Variants in MDFIC2 observed in about 807,000 individuals in gnomAD.
MDFIC2 encodes MyoD family inhibitor domain containing 2.
At chr3:70,261,683 C>T (rs1398497391) in intron 2 of MDFIC2, among the ~76,000 whole-genome samples, 1 of 152,134 alleles carries the variant, frequency 6.6e-6, no homozygotes, top group Non-Finnish European at 1.5e-5. Context: ...TTGTTGAAAA[C>T]AGAATGCCAA....
intron 2 of MDFIC2, among the ~76,000 whole-genome samples, chr3:70,263,215 GCTT>G (rs1417526808): frequency 1.3e-5 from 2 of 152,028 alleles, no homozygotes; most frequent in East Asian, 3.9e-4. Flanking sequence ...ATATTTTCCT[GCTT>G]CTTCTTTCTT....
intron 2 of MDFIC2, among the ~76,000 whole-genome samples, chr3:70,264,254 G>A (rs1207071517): frequency 6.6e-6 from 1 of 152,128 alleles, no homozygotes; most frequent in Non-Finnish European, 1.5e-5. Context: ...CCTTAAAAAG[G>A]CCTTCGTGTT....
chr3:70,211,527 TC>T, intron 2 of MDFIC2, among the ~76,000 whole-genome samples: 2 of 28,106 alleles, frequency 7.1e-5, no homozygotes, highest in African/African-American at 1.9e-4. Context: ...TCCCTTCCCT[TC>T]CCTTTGCCCT....
chr3:70,198,641 T>C (rs1389058332), intron 3 of MDFIC2, among the ~76,000 whole-genome samples: 2 of 152,194 alleles, frequency 1.3e-5, no homozygotes, highest in African/African-American at 4.8e-5. Flanking sequence ...CCCAGAAAGA[T>C]GGTGGTAAAG....
At chr3:70,299,815 C>G (rs1478587746) in intron 2 of MDFIC2, among the ~76,000 whole-genome samples, 2 of 152,062 alleles carry the variant, frequency 1.3e-5, no homozygotes, top group South Asian at 2.1e-4. Flanking sequence ...TGAAGCCAAC[C>G]TCACATATAT....
chr3:70,291,809 T>G (rs1205748734), intron 2 of MDFIC2: 5 of 152,234 alleles, frequency 3.3e-5, no homozygotes, highest in African/African-American at 1.2e-4. Context: ...ATACATTGTC[T>G]TTTTAATGCT....
At chr3:70,309,796 G>A (rs909100666) in intron 2 of MDFIC2, among the ~76,000 whole-genome samples, 6 of 152,124 alleles carry the variant, frequency 3.9e-5, no homozygotes, top group African/African-American at 1.2e-4. Flanking sequence ...AACATAATTC[G>A]AGTGTAGCTT....
At chr3:70,286,458 G>A (rs1415984686) in intron 2 of MDFIC2, among the ~76,000 whole-genome samples, 3 of 151,786 alleles carry the variant, frequency 2.0e-5, no homozygotes, top group Non-Finnish European at 1.5e-5. Flanking sequence ...TTTGGTTACT[G>A]TAGCCTTGTA....
chr3:70,245,683 A>ATATT (rs2106645652), intron 2 of MDFIC2, among the ~76,000 whole-genome samples: 1 of 128,446 alleles, frequency 7.8e-6, no homozygotes, highest in East Asian at 2.3e-4. Flanking sequence ...ATATATATAT[A>ATATT]TATATATATA....
chr3:70,229,777 G>C (rs1433092340), intron 2 of MDFIC2, among the ~76,000 whole-genome samples: 1 of 152,152 alleles, frequency 6.6e-6, no homozygotes, highest in African/African-American at 2.4e-5. Flanking sequence ...TCTGCATTGA[G>C]ATTTTGGTGG....
chr3:70,233,198 C>T (rs1192649424), intron 2 of MDFIC2, among the ~76,000 whole-genome samples: 4 of 152,082 alleles, frequency 2.6e-5, no homozygotes, highest in African/African-American at 2.4e-5. Context: ...GTACTAAAAG[C>T]GAGCTCTCCC....
At chr3:70,286,695 G>C (rs1046832343) in intron 2 of MDFIC2, among the ~76,000 whole-genome samples, 2 of 152,072 alleles carry the variant, frequency 1.3e-5, no homozygotes, top group Admixed American at 1.3e-4. Context: ...CCATGAGCAT[G>C]GAATGTTCTT....
At chr3:70,237,979 C>CTTTATTTTTT (rs1701627930) in intron 2 of MDFIC2, among the ~76,000 whole-genome samples, 1 of 48,932 alleles carries the variant, frequency 2.0e-5, no homozygotes, top group Non-Finnish European at 3.2e-5. Flanking sequence ...TGAGTGGTAT[C>CTTTATTTTTT]TTTTTTTTTT....
chr3:70,231,085 C>T (rs1005582513), intron 2 of MDFIC2, among the ~76,000 whole-genome samples: 1 of 152,180 alleles, frequency 6.6e-6, no homozygotes, highest in Non-Finnish European at 1.5e-5. Flanking sequence ...GACATAACAG[C>T]TCTATTGTTA....
intron 2 of MDFIC2, among the ~76,000 whole-genome samples, chr3:70,229,013 G>A (rs76028503): frequency 0.033 from 5,051 of 152,172 alleles, 108 homozygotes; most frequent in South Asian, 0.11. Context: ...GAGGCTAATG[G>A]GATACCAATG....
At chr3:70,282,928 T>G (rs186540497) in intron 2 of MDFIC2, among the ~76,000 whole-genome samples, 1 of 152,110 alleles carries the variant, frequency 6.6e-6, no homozygotes. Flanking sequence ...AAAGGGGTAA[T>G]AAAAGATGAC....
chr3:70,286,895 G>C (rs1702170849), intron 2 of MDFIC2, among the ~76,000 whole-genome samples: 1 of 151,832 alleles, frequency 6.6e-6, no homozygotes. Flanking sequence ...TGTGATTTTT[G>C]TACATTGATT....
intron 2 of MDFIC2, among the ~76,000 whole-genome samples, chr3:70,309,753 A>C (rs1461796166): frequency 9.9e-5 from 15 of 152,242 alleles, no homozygotes; most frequent in African/African-American, 3.4e-4. Context: ...GTCATCTAGC[A>C]TCTGGCTCAA....
At chr3:70,220,890 C>T (rs1701456008) in intron 2 of MDFIC2, among the ~76,000 whole-genome samples, 1 of 152,118 alleles carries the variant, frequency 6.6e-6, no homozygotes, top group South Asian at 2.1e-4. Context: ...GGAGGGGAAC[C>T]ATGCCTTGGC....
Sources: allele counts gnomAD v4.1 joint callset (sites outside exome capture counted in the v4.1 genomes callset), GRCh38; gene constraint gnomAD v4.1.1; transcripts MANE v1.5; gene names NCBI Gene and HGNC (gene_info 2026-07-23, HGNC 2026-07-21).